The following DPH6 variants were observed in gnomAD, a reference collection of about 807,000 sequenced individuals.
DPH6 encodes the protein diphthamine biosynthesis 6, also known as diphthine--ammonia ligase.
DPH6 carries 33 observed loss-of-function variants against 38.2 expected under a neutral mutation model. That is an observed-to-expected ratio of 0.86 (90% CI 0.65 to 1.15). DPH6 has a LOEUF of 1.15. Ranked by LOEUF, DPH6 falls within the 50% of genes most tolerant of loss-of-function variation. The pLI, the probability that DPH6 is intolerant of heterozygous loss-of-function variation, is 0.00. For missense variants in DPH6, 325 were observed against 320.0 expected, an observed-to-expected ratio of 1.02 and a Z score of -0.12; for synonymous variants, 108 against 103.0, an observed-to-expected ratio of 1.05 and a Z score of -0.30.
the DPH6 span, among the ~76,000 whole-genome samples, chr15:35,176,504 T>C: frequency 3.3e-5 from 5 of 151,126 alleles, no homozygotes; most frequent in African/African-American, 7.3e-5. Flanking sequence ...GGAGTTTCAC[T>C]CTTGTTGCCC....
chr15:35,146,694 T>G, the DPH6 span, among the ~76,000 whole-genome samples: 23 of 152,296 alleles, frequency 1.5e-4, no homozygotes, highest in African/African-American at 5.5e-4. Flanking sequence ...AAAGGTGAAT[T>G]TGAAAAATTT....
chr15:35,374,622 A>T (rs1162888256), intron 7 of DPH6, among the ~76,000 whole-genome samples: 2 of 152,140 alleles, frequency 1.3e-5, no homozygotes, highest in Non-Finnish European at 2.9e-5. Context: ...ATCATTCATG[A>T]ACCTTTAGTA....
intron 3 of DPH6, among the ~76,000 whole-genome samples, chr15:35,223,649 G>A (rs939553752): frequency 1.3e-5 from 2 of 151,882 alleles, no homozygotes. Flanking sequence ...TCGCGCCACT[G>A]CACTCCAGCC....
chr15:35,409,824 A>C (rs1047728510), intron 6 of DPH6, among the ~76,000 whole-genome samples: 5 of 151,916 alleles, frequency 3.3e-5, no homozygotes, highest in Non-Finnish European at 7.4e-5. Context: ...GAAACCAAAT[A>C]TAATTTATCA....
chr15:35,380,110 T>C (rs143567927), intron 7 of DPH6, among the ~76,000 whole-genome samples: 17 of 152,320 alleles, frequency 1.1e-4, no homozygotes, highest in Admixed American at 9.8e-4. Flanking sequence ...ACAAGGTACA[T>C]ACCTGCGTGG....
chr15:35,513,148 T>C (rs533908540), intron 3 of DPH6, among the ~76,000 whole-genome samples: 43 of 152,262 alleles, frequency 2.8e-4, no homozygotes, highest in Non-Finnish European at 2.9e-5. Context: ...CATCTATGTG[T>C]GTATTAAATA....
intron 3 of DPH6, among the ~76,000 whole-genome samples, chr15:35,302,004 TA>T (rs1481524321): frequency 1.3e-5 from 2 of 152,016 alleles, no homozygotes; most frequent in African/African-American, 4.8e-5. Flanking sequence ...TAAAAAGATT[TA>T]AAAACCAAAT....
intron 3 of DPH6, among the ~76,000 whole-genome samples, chr15:35,256,639 T>C (rs1017743334): frequency 6.6e-6 from 1 of 152,228 alleles, no homozygotes; most frequent in Admixed American, 6.5e-5. Flanking sequence ...AGTAGTGTAG[T>C]AGATGTCAAG....
intron 8 of DPH6, 28 bp from the exon 9 acceptor site, chr15:35,372,231 G>A: frequency 2.4e-5 from 31 of 1,280,096 alleles, no homozygotes; most frequent in Admixed American, 1.2e-4. Context: ...GGAAAGGGAA[G>A]GAAAATGCAC....
intron 3 of DPH6, among the ~76,000 whole-genome samples, chr15:35,460,892 T>C (rs2054057666): frequency 1.0e-5 from 1 of 99,802 alleles, no homozygotes; most frequent in South Asian, 3.7e-4. Flanking sequence ...AAAGAGATAC[T>C]CACAAACTGG....
intron 3 of DPH6, among the ~76,000 whole-genome samples, chr15:35,225,211 G>C (rs1273576587): frequency 6.6e-6 from 1 of 152,192 alleles, no homozygotes; most frequent in Non-Finnish European, 1.5e-5. Flanking sequence ...TACAGGATTT[G>C]GGTAAGAATA....
downstream of DPH6, among the ~76,000 whole-genome samples, chr15:35,327,649 T>C (rs1595480871): frequency 3.3e-5 from 5 of 152,262 alleles, no homozygotes; most frequent in South Asian, 2.1e-4. Flanking sequence ...CTTTAAACAA[T>C]AGCAAGTGAG....
chr15:35,203,919 A>G, the DPH6 span, among the ~76,000 whole-genome samples: 32 of 151,812 alleles, frequency 2.1e-4, no homozygotes, highest in African/African-American at 7.2e-4. Flanking sequence ...CAGGCTCTTC[A>G]GTAGTCTTTT....
At chr15:35,309,961 G>T (rs1307849455) in intron 3 of DPH6, among the ~76,000 whole-genome samples, 1 of 152,108 alleles carries the variant, frequency 6.6e-6, no homozygotes, top group African/African-American at 2.4e-5. Flanking sequence ...CTTTTCTTAT[G>T]CCAGCTCTTG....
intron 3 of DPH6, among the ~76,000 whole-genome samples, chr15:35,247,318 GA>G (rs1464258570): frequency 6.6e-6 from 1 of 152,124 alleles, no homozygotes; most frequent in Non-Finnish European, 1.5e-5. Flanking sequence ...CATAATCCAG[GA>G]AGAATAAAAT....
At chr15:35,521,722 T>C (rs1256034720) in intron 3 of DPH6, 2 of 1,231,396 alleles carry the variant, frequency 1.6e-6, no homozygotes, top group Non-Finnish European at 2.0e-6. Flanking sequence ...TAGTCAACTT[T>C]AATTTATGCA....
At chr15:35,455,943 C>T (rs1345662239) in intron 3 of DPH6, among the ~76,000 whole-genome samples, 3 of 152,058 alleles carry the variant, frequency 2.0e-5, no homozygotes, top group Non-Finnish European at 4.4e-5. Context: ...ACCCTGTGTA[C>T]CTAAAAGGAT....
At chr15:35,312,358 A>C (rs2052150655) in intron 3 of DPH6, among the ~76,000 whole-genome samples, 1 of 152,208 alleles carries the variant, frequency 6.6e-6, no homozygotes, top group Admixed American at 6.6e-5. Flanking sequence ...TATGGAGACA[A>C]AAGCTAGATT....
intron 6 of DPH6, chr15:35,401,499 G>T: frequency 1.3e-6 from 1 of 770,814 alleles, no homozygotes; most frequent in Non-Finnish European, 2.4e-6. Flanking sequence ...GCTATGGCAG[G>T]AGTGACAGCT....
Sources: allele counts gnomAD v4.1 joint callset (sites outside exome capture counted in the v4.1 genomes callset), GRCh38; gene constraint gnomAD v4.1.1; transcripts MANE v1.5; gene names NCBI Gene and HGNC (gene_info 2026-07-23, HGNC 2026-07-21).